Variants in CDC42BPB observed in about 807,000 individuals in gnomAD.
CDC42BPB encodes the protein CDC42 binding protein kinase beta.
A neutral mutation model predicts 214.9 loss-of-function variants in CDC42BPB; 37 were observed. The observed-to-expected ratio is 0.17, with a 90% CI of 0.13 to 0.23. The LOEUF is 0.23. Ranked by LOEUF, CDC42BPB falls within the 10% of genes least tolerant of loss-of-function variation. CDC42BPB has a pLI of 1.00. For synonymous variants in CDC42BPB, 931 were observed against 884.0 expected (o/e 1.05, Z -0.94); for missense variants, 1,694 against 2,227.0 (o/e 0.76, Z 4.82).
At chr14:102,954,435 T>C (rs1015859168) in intron 22 of CDC42BPB, 160 bp from the exon 23 acceptor site, 1 of 978,832 alleles carries the variant, frequency 1.0e-6, no homozygotes, top group African/African-American at 1.7e-5. Context: ...CTCCCTCATC[T>C]AGGGGAGGGA....
At chr14:103,038,094 T>A (rs1463173831) in intron 1 of CDC42BPB, among the ~76,000 whole-genome samples, 2 of 151,548 alleles carry the variant, frequency 1.3e-5, no homozygotes, top group African/African-American at 4.8e-5. Flanking sequence ...CCCAGCACTT[T>A]GGGAGGCCGA....
intron 1 of CDC42BPB, among the ~76,000 whole-genome samples, chr14:103,033,870 T>C (rs536725286): frequency 9.8e-5 from 15 of 152,344 alleles, no homozygotes; most frequent in East Asian, 3.9e-4. Flanking sequence ...TGGAAGTGCA[T>C]TGCGGCAGGA....
intron 36 of CDC42BPB, chr14:102,934,062 A>G (rs915217641): frequency 2.4e-5 from 31 of 1,306,674 alleles, no homozygotes; most frequent in African/African-American, 4.7e-5. Flanking sequence ...CAAAAATAAC[A>G]TGGTAATTAT....
At chr14:103,014,263 G>A (rs1458383114) in intron 1 of CDC42BPB, among the ~76,000 whole-genome samples, 1 of 151,502 alleles carries the variant, frequency 6.6e-6, no homozygotes, top group Admixed American at 6.6e-5. Flanking sequence ...AGCCCACACT[G>A]TCTGACTCCA....
chr14:102,993,822 T>C (rs1210240857), intron 5 of CDC42BPB, among the ~76,000 whole-genome samples: 1 of 152,196 alleles, frequency 6.6e-6, no homozygotes, highest in Non-Finnish European at 1.5e-5. Flanking sequence ...GCTCTATACC[T>C]GGCTGCCGGG....
At chr14:102,935,944 G>T (rs911183194) in intron 36 of CDC42BPB, among the ~76,000 whole-genome samples, 2 of 152,040 alleles carry the variant, frequency 1.3e-5, no homozygotes, top group African/African-American at 4.8e-5. Flanking sequence ...ATGGGTAAAG[G>T]CCTTGAGTAG....
intron 3 of CDC42BPB, among the ~76,000 whole-genome samples, chr14:103,005,519 G>GC (rs1387837249): frequency 6.6e-6 from 1 of 151,490 alleles, no homozygotes; most frequent in East Asian, 2.0e-4. Context: ...ACCAGCCTGG[G>GC]CAACATAGTG....
At position 102,950,052 on chromosome 14, in the gene CDC42BPB, C is replaced by T. The variant is rs1404051486; in HGVS notation, c.3310-148G>A. On this transcript the variant is annotated intron_variant, in intron 25 of 36. Transcript: ENST00000361246. Reference sequence around the variant, plus strand: ...GATGTTTGCCCAAGAAGGCTCAAGGCGTTGCTGGGGAGGGGTCCATGCGTG... The same window carrying T: ...GATGTTTGCCCAAGAAGGCTCAAGGTGTTGCTGGGGAGGGGTCCATGCGTG... 7 of 1,474,360 alleles carry T rather than the reference C, an allele frequency of 4.7e-6. No individual in the cohort carries two copies. The East Asian group carries it at 7.2e-5, about 15-fold the overall frequency. 91.3% of individuals were successfully genotyped at this position (1,474,360 alleles called of 1,614,324 possible).
chr14:103,042,045 G>T, intron 1 of CDC42BPB: 1 of 203,332 alleles, frequency 4.9e-6, no homozygotes, highest in South Asian at 8.5e-5. Context: ...TTGGCATACC[G>T]GCAAAGAGAC....
intron 34 of CDC42BPB, 52 bp downstream of exon 34, chr14:102,939,558 G>A (rs370955304): frequency 2.6e-5 from 33 of 1,286,688 alleles, no homozygotes; most frequent in East Asian, 1.4e-4. Flanking sequence ...CTGCCTGAGC[G>A]GGGAGGAGGA....
intron 1 of CDC42BPB, among the ~76,000 whole-genome samples, chr14:103,054,098 C>T (rs1224834811): frequency 6.6e-6 from 1 of 152,110 alleles, no homozygotes; most frequent in Non-Finnish European, 1.5e-5. Flanking sequence ...TTCCTGAGTT[C>T]AACCAATCCT....
chr14:103,003,837 T>C, intron 4 of CDC42BPB, 91 bp downstream of exon 4: 1 of 1,012,272 alleles, frequency 9.9e-7, no homozygotes, highest in South Asian at 1.6e-5. Flanking sequence ...TAAATGTCAG[T>C]TCCACATTGT....
At chr14:103,019,294 G>A (rs1383861109) in intron 1 of CDC42BPB, among the ~76,000 whole-genome samples, 1 of 152,182 alleles carries the variant, frequency 6.6e-6, no homozygotes, top group East Asian at 1.9e-4. Context: ...AGCTGGGCCA[G>A]GCTAACCAGC....
chr14:102,991,427 A>G (rs764622383), intron 5 of CDC42BPB, among the ~76,000 whole-genome samples: 2 of 152,274 alleles, frequency 1.3e-5, no homozygotes, highest in South Asian at 4.1e-4. Context: ...CTAGATTAAA[A>G]GAGATTAAAG....
At chr14:102,941,446 G>A (rs1206510183) in intron 30 of CDC42BPB, 2 of 985,334 alleles carry the variant, frequency 2.0e-6, no homozygotes. Flanking sequence ...AAAGACAAAA[G>A]ATACTGGCCT....
rs575837504 is a variant in CDC42BPB, at chr14:102,933,515, C to T, written c.*197G>A. 258 of 473,630 alleles carry T rather than the reference C, an allele frequency of 5.4e-4. No individual in the cohort carries two copies. The highest frequency in any genetic ancestry group is 1.5e-3 in the South Asian group (29 of 18,884). 29.3% of individuals were successfully genotyped at this position (473,630 alleles called of 1,614,324 possible). On this transcript the variant is annotated 3_prime_UTR_variant, in exon 37 of 37. Transcript: ENST00000361246. ...CAGCATCGCCTCACAGCTGTGCAGA[C>T]GAACAGATGTGGTCTACTGCCACGA...
At position 102,949,657 on chromosome 14, in the gene CDC42BPB, G is replaced by C. The variant is rs528679082; in HGVS notation, c.3449+108C>G. 7.9e-5 allele frequency: 110 copies of C among 1,396,402 alleles called. No individual in the cohort carries two copies. In the African/African-American group the frequency reaches 1.4e-3, roughly 18 times the overall value. 86.5% of individuals were successfully genotyped at this position (1,396,402 alleles called of 1,614,324 possible). A position where few individuals can be genotyped will look rare whatever the true frequency, so the allele number is the denominator to read the frequency against. On this transcript the variant is annotated intron_variant, in intron 26 of 36. Coordinates refer to ENST00000361246, the MANE Select transcript of CDC42BPB (RefSeq NM_006035.4). ...TTTGCAACCATACAATAATGAAGCAGGTGAAGTACTAATGAGGTGAAAGAC... is the reference window on the plus strand; with the variant it reads ...TTTGCAACCATACAATAATGAAGCACGTGAAGTACTAATGAGGTGAAAGAC...
chr14:103,010,898 C>T (rs558591452), intron 2 of CDC42BPB, among the ~76,000 whole-genome samples: 13 of 152,260 alleles, frequency 8.5e-5, no homozygotes, highest in Non-Finnish European at 8.8e-5. Context: ...GGCCTGGTGG[C>T]GGGCACCTGT....
intron 1 of CDC42BPB, among the ~76,000 whole-genome samples, chr14:103,030,318 G>C (rs928187841): frequency 6.6e-6 from 1 of 152,222 alleles, no homozygotes; most frequent in Non-Finnish European, 1.5e-5. Context: ...TTAAAAAAGA[G>C]GCAAAGAAAG....
Sources: allele counts gnomAD v4.1 joint callset (sites outside exome capture counted in the v4.1 genomes callset), GRCh38; gene constraint gnomAD v4.1.1; transcripts MANE v1.5; gene names NCBI Gene and HGNC (gene_info 2026-07-23, HGNC 2026-07-21).